ISCA2: variants seen among roughly 807,000 people sequenced by gnomAD.
The protein encoded by ISCA2 is iron-sulfur cluster assembly 2 homolog, mitochondrial.
In ISCA2, 21 loss-of-function variants were observed where a neutral mutation model predicts 19.1. The ratio of observed to expected loss-of-function variants is 1.10; its 90% confidence interval spans 0.78 to 1.59. The LOEUF is 1.59. Ranked by LOEUF, ISCA2 falls within the 40% of genes most tolerant of loss-of-function variation. ISCA2 has a pLI of 0.00. For synonymous variants in ISCA2, 107 were observed against 83.8 expected (o/e 1.28, Z -1.51); for missense variants, 181 against 191.7 (o/e 0.94, Z 0.33).
chr14:74,494,385 C>T lies in ISCA2; in HGVS notation c.285C>T (p.Asp95=). The change falls in exon 3 of 4, where the codon GAC becomes GAT. Residue 95 remains aspartate (D), a synonymous_variant. Transcript: ENST00000556816. The part of the protein sequence containing the change: ...KFSLDTVINP[D]DRVFEQGGAR... ...CACTGGATACAGTTATCAACCCCGA[C>T]GACAGGCAAGGAGGAAGGGGTGGGC... is the stretch of plus-strand genomic sequence containing the variant. 1.2e-6 allele frequency: 2 copies of T among 1,612,278 alleles called. No homozygotes were observed.
rs1439230443 is a variant in ISCA2 at position 74,495,954 on chromosome 14, ATATTTT to A, written c.*960_*965del. ...ACTATTTGAAATTCAAATTTAACTC[ATATTTT>A]TATTTGCTGACCTTGGCAACTCTGC... is the stretch of plus-strand genomic sequence containing the variant. On this transcript the variant is annotated 3_prime_UTR_variant, in exon 4 of 4. Transcript: ENST00000556816. The A allele has an allele frequency of 1.3e-5, 2 of 152,246 alleles. No homozygotes were observed. Among genetic ancestry groups the A allele is most frequent in the African/African-American group, 4.8e-5 (2 of 41,460 alleles). 9.4% of individuals were successfully genotyped at this position (152,246 alleles called of 1,614,324 possible).
At position 74,494,329 on chromosome 14, in the gene ISCA2, G is replaced by A. The variant is rs730882246; in HGVS notation, c.229G>A (p.Gly77Ser). 1.2e-6 allele frequency: 2 copies of A among 1,614,218 alleles called. No individual in the cohort carries two copies. Among genetic ancestry groups the A allele is most frequent in the Non-Finnish European group, 1.7e-6 (2 of 1,180,018 alleles). The change falls in exon 3 of 4, where the codon GGT (glycine) becomes AGT (serine). Residue 77 changes from glycine (G) to serine (S), a missense_variant. Physicochemically the swap from Gly to Ser is moderately conservative, Grantham distance 56 (BLOSUM62 0). Transcript: ENST00000556816. Reference sequence around the variant, plus strand: ...ATTCCTCAGGCTGCAAGTGGAGGGAGGTGGATGCTCCGGATTCCAATACAA... The same window carrying A: ...ATTCCTCAGGCTGCAAGTGGAGGGAAGTGGATGCTCCGGATTCCAATACAA... ...SEFLRLQVEG[G>S]GCSGFQYKFS...
Position 74,493,808 on chromosome 14 carries a change from GCGA to G in ISCA2, c.37_39del (p.Thr13del), listed in dbSNP as rs761094131. 63 of 1,541,076 alleles carry G rather than the reference GCGA, an allele frequency of 4.1e-5. No homozygotes were observed. The Middle Eastern group carries it at 1.0e-3, about 25-fold the overall frequency. The stretch of plus-strand genomic sequence containing the variant: ...CGCCTGGGGGTCGTCCCTAACGGCC[GCGA>G]CGCAGAGAGCGGTCACTCCCTGGCC... On this transcript the variant is annotated inframe_deletion, in exon 1 of 4. Transcript: ENST00000556816. The surrounding 1 kb of genome is among the most constrained non-coding windows in gnomAD (Gnocchi z 4.1).
Position 74,493,804 on chromosome 14 carries a change from G to T in ISCA2, c.30G>T (p.Thr10=). The part of the protein sequence containing the change: MAAAWGSSL[T]AATQRAVTPW... ...CTGCCGCCTGGGGGTCGTCCCTAAC[G>T]GCCGCGACGCAGAGAGCGGTCACTC... The change falls in exon 1 of 4, where the codon ACG becomes ACT. Residue 10 remains threonine, a synonymous_variant. Transcript: ENST00000556816. The surrounding 1 kb of genome is among the most constrained non-coding windows in gnomAD (Gnocchi z 4.1). 6.5e-7 allele frequency: 1 copy of T among 1,540,256 alleles called. No homozygotes were observed. Among genetic ancestry groups the T allele is most frequent in the East Asian group, 2.3e-5 (1 of 42,834 alleles).
Position 74,495,276 on chromosome 14 carries a change from A to G in ISCA2, c.*276A>G, listed in dbSNP as rs1022275301. 13 of 318,634 alleles carry G rather than the reference A, an allele frequency of 4.1e-5. No homozygotes were observed. Among genetic ancestry groups the G allele is most frequent in the Non-Finnish European group, 7.5e-5 (13 of 174,278 alleles). 19.7% of individuals were successfully genotyped at this position (318,634 alleles called of 1,614,324 possible). On this transcript the variant is annotated 3_prime_UTR_variant, in exon 4 of 4. Coordinates refer to ENST00000556816, the MANE Select transcript of ISCA2 (RefSeq NM_194279.4). ...ACTCCGTATAATCTGTAGAGCCTCCATGGCTCTAAAATTTGGAATTAACTT... is the reference window on the plus strand; with the variant it reads ...ACTCCGTATAATCTGTAGAGCCTCCGTGGCTCTAAAATTTGGAATTAACTT...
rs2086818108 is a variant in ISCA2, at chr14:74,494,201, A to G, written c.174+49A>G. Reference sequence around the variant, plus strand: ...CGGTACCCAGGCGATTGGCGGGAGCAGCGGGAACTGCTCTTCACTCAGCCC... The same window carrying G: ...CGGTACCCAGGCGATTGGCGGGAGCGGCGGGAACTGCTCTTCACTCAGCCC... On this transcript the variant is annotated intron_variant, in intron 2 of 3. Coordinates refer to ENST00000556816, the MANE Select transcript of ISCA2 (RefSeq NM_194279.4). The G allele has an allele frequency of 3.8e-6, 6 of 1,574,102 alleles. No homozygotes were observed. The South Asian group carries it at 4.5e-5, about 12-fold the overall frequency.
chr14:74,494,021 C>T, intron 1 of ISCA2, 29 bp from the exon 2 acceptor site: 5 of 1,523,202 alleles, frequency 3.3e-6, no homozygotes, highest in Non-Finnish European at 4.4e-6. Flanking sequence ...CCTTCTGCTC[C>T]CGGGCTCACC....
In ISCA2 at chr14:74,494,257, C is replaced by T. The variant is rs1274246300; in HGVS notation, c.175-18C>T. 1 of 1,607,042 alleles carries T rather than the reference C, an allele frequency of 6.2e-7. No homozygotes were observed. ...CTCCCGTTTCCCGCTATTCTTGATC[C>T]CCCTTCCTGCATTTCAGAGGCTTTT... On this transcript the variant is annotated intron_variant, in intron 2 of 3. Coordinates refer to ENST00000556816, the MANE Select transcript of ISCA2 (RefSeq NM_194279.4).
chr14:74,495,085 T>TAG lies in ISCA2; in HGVS notation c.*86_*87insGA. The stretch of plus-strand genomic sequence containing the variant: ...TAGTAGAATTCTAGAAGTTTACTTC[T>TAG]AATCATGTCCCTCTCAATTTTATTT... On this transcript the variant is annotated 3_prime_UTR_variant, in exon 4 of 4. Coordinates refer to ENST00000556816, the MANE Select transcript of ISCA2 (RefSeq NM_194279.4). 8 of 979,202 alleles carry TAG rather than the reference T, an allele frequency of 8.2e-6. No homozygotes were observed. The highest frequency in any genetic ancestry group is 9.4e-6 in the Non-Finnish European group (6 of 640,138). The allele number at this position is 979,202 out of a possible 1,614,324, so 60.7% of individuals were successfully genotyped here.
Position 74,493,842 on chromosome 14 carries a change from G to T in ISCA2, c.68G>T (p.Gly23Val). Residue 23 changes from glycine (G) to valine (V), a missense_variant, in exon 1 of 4, where the codon GGC (glycine) becomes GTC (valine). Gly to Val is a moderately radical substitution (Grantham distance 109). Transcript: ENST00000556816. This position sits in a 1 kb window ranked among gnomAD's most constrained non-coding sequence, Gnocchi z 4.1. The stretch of plus-strand genomic sequence containing the variant: ...AGAGCGGTCACTCCCTGGCCGAGGG[G>T]CAGGTACCAAGACTAGAAAGGCACC... ...TQRAVTPWPR[G>V]RLLTASLGPQ... is the part of the protein sequence containing the mutation. The T allele has an allele frequency of 6.4e-7, 1 of 1,559,244 alleles. No individual in the cohort carries two copies.
In ISCA2 at chr14:74,494,272, C is replaced by T. The variant is rs2086819418; in HGVS notation, c.175-3C>T. 1 of 1,612,988 alleles carries T rather than the reference C, an allele frequency of 6.2e-7. No individual in the cohort carries two copies. The highest frequency in any genetic ancestry group is 8.5e-7 in the Non-Finnish European group (1 of 1,178,884). On this transcript the variant is annotated splice_region_variant and splice_polypyrimidine_tract_variant and intron_variant, in intron 2 of 3. Coordinates refer to ENST00000556816, the MANE Select transcript of ISCA2 (RefSeq NM_194279.4). The stretch of plus-strand genomic sequence containing the variant: ...ATTCTTGATCCCCCTTCCTGCATTT[C>T]AGAGGCTTTTGGAAATCACCGAAGG...
Position 74,494,366 on chromosome 14 carries a change from A to G in ISCA2, c.266A>G (p.Asp89Gly), listed in dbSNP as rs1555346491. The G allele has an allele frequency of 1.2e-6, 2 of 1,613,872 alleles. No individual in the cohort carries two copies. Among genetic ancestry groups the G allele is most frequent in the Admixed American group, 1.7e-5 (1 of 60,004 alleles). Residue 89 changes from aspartate (D) to glycine (G), a missense_variant, in exon 3 of 4, where the codon GAT (aspartate) becomes GGT (glycine). Coordinates refer to ENST00000556816, the MANE Select transcript of ISCA2 (RefSeq NM_194279.4). ...CSGFQYKFSLDTVINPDDRVF... is the reference protein window; with the variant it reads ...CSGFQYKFSLGTVINPDDRVF... ...GGATTCCAATACAAATTTTCACTGG[A>G]TACAGTTATCAACCCCGACGACAGG...
At position 74,496,413 on chromosome 14, in the gene ISCA2, A is replaced by G. The variant is rs2139680317; in HGVS notation, c.*1413A>G. The G allele has an allele frequency of 6.6e-6, 1 of 152,348 alleles. No homozygotes were observed. The highest frequency in any genetic ancestry group is 6.5e-5 in the Admixed American group (1 of 15,304). 9.4% of individuals were successfully genotyped at this position (152,348 alleles called of 1,614,324 possible). On this transcript the variant is annotated 3_prime_UTR_variant, in exon 4 of 4. Coordinates refer to ENST00000556816, the MANE Select transcript of ISCA2 (RefSeq NM_194279.4). Reference sequence around the variant, plus strand: ...AGGACTTAGAGAAAACAAACCTATCATGCGGTTAGAGGAGAGAAGGGGACA... The same window carrying G: ...AGGACTTAGAGAAAACAAACCTATCGTGCGGTTAGAGGAGAGAAGGGGACA...
At position 74,494,089 on chromosome 14, in the gene ISCA2, G is replaced by A. The variant is rs755617155; in HGVS notation, c.111G>A (p.Glu37=). ...CCCTGGGACCCCAGGCGCGTCGGGAGGCGTCGTCCTCCAGCCCCGAGGCCG... is the reference window on the plus strand; with the variant it reads ...CCCTGGGACCCCAGGCGCGTCGGGAAGCGTCGTCCTCCAGCCCCGAGGCCG... ...TASLGPQARR[E]ASSSSPEAGE... is the part of the protein sequence containing the mutation. Residue 37 remains glutamate (E), a synonymous_variant, in exon 2 of 4, where the codon GAG becomes GAA. Coordinates refer to ENST00000556816, the MANE Select transcript of ISCA2 (RefSeq NM_194279.4). The A allele has an allele frequency of 2.6e-6, 4 of 1,563,958 alleles. No individual in the cohort carries two copies. Among genetic ancestry groups the A allele is most frequent in the Non-Finnish European group, 3.5e-6 (4 of 1,158,320 alleles).
chr14:74,494,605 G>T (rs1477008785), intron 3 of ISCA2: 1 of 618,110 alleles, frequency 1.6e-6, no homozygotes, highest in African/African-American at 1.8e-5. Flanking sequence ...TGGGTAGTCG[G>T]TAGAAAGTCA....
At position 74,495,903 on chromosome 14, in the gene ISCA2, C is replaced by T. The variant is rs988140989; in HGVS notation, c.*903C>T. ...AAATAATTTTTTAGTATGCATATGT[C>T]TCAAATATTGCATATACTAAAAATT... On this transcript the variant is annotated 3_prime_UTR_variant, in exon 4 of 4. Transcript: ENST00000556816. The T allele has an allele frequency of 4.6e-5, 7 of 152,086 alleles. No individual in the cohort carries two copies. Among genetic ancestry groups the T allele is most frequent in the African/African-American group, 1.7e-4 (7 of 41,392 alleles). 9.4% of individuals were successfully genotyped at this position (152,086 alleles called of 1,614,324 possible).
chr14:74,494,310 C>A lies in ISCA2; in HGVS notation c.210C>A (p.Leu70=). The A allele has an allele frequency of 1.2e-6, 2 of 1,614,168 alleles. No individual in the cohort carries two copies. The highest frequency in any genetic ancestry group is 1.7e-6 in the Non-Finnish European group (2 of 1,179,994). ...LLEITEGSEF[L]RLQVEGGGCS... ...AAATCACCGAAGGGTCAGAATTCCTCAGGCTGCAAGTGGAGGGAGGTGGAT... is the reference window on the plus strand; with the variant it reads ...AAATCACCGAAGGGTCAGAATTCCTAAGGCTGCAAGTGGAGGGAGGTGGAT... Residue 70 remains leucine (L), a synonymous_variant, in exon 3 of 4, where the codon CTC becomes CTA. Transcript: ENST00000556816.
chr14:74,496,089 T>TA lies in ISCA2; in HGVS notation c.*1090dup, dbSNP rs2086843983. The stretch of plus-strand genomic sequence containing the variant: ...GCTTCGGAGCTTGAAATAATCCTGT[T>TA]AGAGTACTGTGGAGCTGTGTGGACA... On this transcript the variant is annotated 3_prime_UTR_variant, in exon 4 of 4. Transcript: ENST00000556816. The TA allele has an allele frequency of 6.6e-6, 1 of 152,184 alleles. No individual in the cohort carries two copies. Among genetic ancestry groups the TA allele is most frequent in the Non-Finnish European group, 1.5e-5 (1 of 68,028 alleles). The allele number at this position is 152,184 out of a possible 1,614,324, so 9.4% of individuals were successfully genotyped here.
rs2086824842 is a variant in ISCA2, at chr14:74,494,597, GGTA to G, written c.290+210_290+212del. ...AAAATTGATCTGCCCAGGTCCATTG[GGTA>G]GTCGGTAGAAAGTCAGGCCGGACTA... On this transcript the variant is annotated intron_variant, in intron 3 of 3. Transcript: ENST00000556816. The G allele has an allele frequency of 9.7e-6, 6 of 616,960 alleles. No individual in the cohort carries two copies. In the South Asian group the frequency reaches 1.2e-4, roughly 12 times the overall value. 38.2% of individuals were successfully genotyped at this position (616,960 alleles called of 1,614,324 possible).
Sources: gnomAD v4.1 joint callset for allele counts on GRCh38, gnomAD v4.1.1 for gene constraint, Gnocchi (gnomAD v3.1) non-coding constraint, MANE v1.5 for transcripts, NCBI Gene and HGNC (gene_info 2026-07-23, HGNC 2026-07-21) for gene names.